The following COL4A3 variants were observed in gnomAD, a reference collection of about 807,000 sequenced individuals.
The protein encoded by COL4A3 is collagen type IV alpha 3 chain, also known as collagen alpha-3(IV) chain.
In COL4A3, 135 loss-of-function variants were observed where a neutral mutation model predicts 217.4. The ratio of observed to expected loss-of-function variants is 0.62; its 90% CI spans 0.54 to 0.72. COL4A3 has a LOEUF of 0.72. Among genes scored for constraint, COL4A3 ranks in the 30% least tolerant of loss-of-function variants. The probability of loss-of-function intolerance (pLI) is 0.00; values close to 1 mark genes in which losing one functional copy is unlikely to be tolerated. For missense variants in COL4A3, 1,868 were observed against 2,119.9 expected (o/e 0.88, Z 2.33); for synonymous variants, 690 against 736.3 (o/e 0.94, Z 1.02).
At position 227,273,074 on chromosome 2, in the gene COL4A3, C is replaced by T. The variant is rs777218914; in HGVS notation, c.1884C>T (p.Gly628=). The T allele has an allele frequency of 6.2e-7, 1 of 1,613,916 alleles. No homozygotes were observed. The highest frequency in any genetic ancestry group is 2.2e-5 in the East Asian group (1 of 44,864). The part of the protein sequence containing the change: ...YGPQGEPGLQ[G]TQGVPGAPGP... The stretch of plus-strand genomic sequence containing the variant: ...CCCAAGGAGAACCTGGTCTCCAGGG[C>T]ACGCAAGGAGTTCCTGGAGCCCCCG... Residue 628 remains glycine, a synonymous_variant, in exon 26 of 52, where the codon GGC becomes GGT. Transcript: ENST00000396578.
chr2:227,200,492 C>T (rs896581978), intron 1 of COL4A3, among the ~76,000 whole-genome samples: 4 of 152,146 alleles, frequency 2.6e-5, no homozygotes, highest in Admixed American at 2.6e-4. Flanking sequence ...AGCACATAGT[C>T]GATGCCTAAA....
At chr2:227,171,099 C>T (rs1313302661) in intron 1 of COL4A3, among the ~76,000 whole-genome samples, 1 of 152,040 alleles carries the variant, frequency 6.6e-6, no homozygotes, top group African/African-American at 2.4e-5. Flanking sequence ...AGCTGAATAC[C>T]CACATAAAGA....
At chr2:227,193,143 G>A (rs889166154) in intron 1 of COL4A3, among the ~76,000 whole-genome samples, 5 of 151,998 alleles carry the variant, frequency 3.3e-5, no homozygotes, top group Admixed American at 3.3e-4. Context: ...CTCCCTACAA[G>A]GATACATCTT....
chr2:227,195,759 ACATTTTTAT>A (rs1359603492), intron 1 of COL4A3, among the ~76,000 whole-genome samples: 1 of 151,516 alleles, frequency 6.6e-6, no homozygotes, highest in Non-Finnish European at 1.5e-5. Context: ...CCAGAAGAAG[ACATTTTTAT>A]CATAGGAGAT....
intron 1 of COL4A3, among the ~76,000 whole-genome samples, chr2:227,167,947 C>T (rs2065337181): frequency 6.6e-6 from 1 of 152,102 alleles, no homozygotes; most frequent in South Asian, 2.1e-4. Flanking sequence ...GTTTTGTGGT[C>T]TTTCATATGT....
rs190277205 is a variant in COL4A3, at chr2:227,177,199, G to A, written c.87+12386G>A. 2.5e-3 allele frequency among the ~76,000 whole-genome samples: 376 copies of A among 149,146 alleles called. 3 individuals carry two copies. Among genetic ancestry groups the A allele is most frequent in the Non-Finnish European group, 2.9e-3 (196 of 67,494 alleles). ...GAGTCTTGCTCTGTAACCCAGGCTG[G>A]AGTGCAGTGGCGCCATCTAGGCCCA... is the stretch of plus-strand genomic sequence containing the variant. On this transcript the variant is annotated intron_variant, in intron 1 of 51. Coordinates refer to ENST00000396578, the MANE Select transcript of COL4A3 (RefSeq NM_000091.5).
Position 227,297,862 on chromosome 2 carries a change from A to G in COL4A3, c.3751+3A>G. 3 of 1,554,862 alleles carry G rather than the reference A, an allele frequency of 1.9e-6. No individual in the cohort carries two copies. Among genetic ancestry groups the G allele is most frequent in the South Asian group, 1.2e-5 (1 of 84,300 alleles). On this transcript the variant is annotated splice_donor_region_variant and intron_variant, in intron 42 of 51. Transcript: ENST00000396578. ...ACCAGGCTCAAGAGGAAGCCCAGGT[A>G]AAGGGTTTACTTTTAAACAGCATAA...
At chr2:227,277,089 G>A (rs1029057771) in intron 27 of COL4A3, among the ~76,000 whole-genome samples, 14 of 152,110 alleles carry the variant, frequency 9.2e-5, no homozygotes, top group Non-Finnish European at 1.3e-4. Context: ...GGAGGCCGAC[G>A]CAGGCGGATC....
chr2:227,208,647 T>G (rs1347059008), intron 1 of COL4A3, among the ~76,000 whole-genome samples: 1 of 152,134 alleles, frequency 6.6e-6, no homozygotes, highest in East Asian at 1.9e-4. Flanking sequence ...ATGATGAATA[T>G]TCCGTCTCCT....
At chr2:227,290,341 T>C (rs1460936302) in intron 36 of COL4A3, among the ~76,000 whole-genome samples, 1 of 151,604 alleles carries the variant, frequency 6.6e-6, no homozygotes, top group Non-Finnish European at 1.5e-5. Context: ...CTACTAAAGA[T>C]ACAAAAAAAA....
chr2:227,237,375 G>A (rs1392149354), intron 1 of COL4A3, among the ~76,000 whole-genome samples: 1 of 152,020 alleles, frequency 6.6e-6, no homozygotes, highest in Non-Finnish European at 1.5e-5. Context: ...TATATATAAG[G>A]TTGGTGCAAA....
intron 43 of COL4A3, among the ~76,000 whole-genome samples, chr2:227,301,479 T>A (rs1025917540): frequency 3.9e-5 from 6 of 152,164 alleles, no homozygotes; most frequent in African/African-American, 1.4e-4. Context: ...ACTTTAAAAG[T>A]TTTTTTGAAA....
At chr2:227,266,179 C>CA (rs66686669) in intron 21 of COL4A3, among the ~76,000 whole-genome samples, 183 of 144,884 alleles carry the variant, frequency 1.3e-3, no homozygotes, top group African/African-American at 3.8e-3. Flanking sequence ...ATTCTGTGAC[C>CA]AAAAAAAAAA....
At chr2:227,289,277 T>A (rs1444537058) in intron 35 of COL4A3, 29 bp downstream of exon 35, 8 of 1,572,350 alleles carry the variant, frequency 5.1e-6, no homozygotes, top group Non-Finnish European at 7.0e-6. Flanking sequence ...TAGAAAAATA[T>A]CACATTTTAC....
intron 5 of COL4A3, 73 bp downstream of exon 5, chr2:227,245,068 C>CTATT (rs1360150680): frequency 2.3e-4 from 323 of 1,426,150 alleles, no homozygotes; most frequent in Non-Finnish European, 3.0e-4. Context: ...TTAAAACAGT[C>CTATT]GTGCAAGAAA....
chr2:227,199,461 C>A (rs2066603499), intron 1 of COL4A3, among the ~76,000 whole-genome samples: 1 of 152,184 alleles, frequency 6.6e-6, no homozygotes, highest in Non-Finnish European at 1.5e-5. Flanking sequence ...TTCACTTCGG[C>A]TCATTCAGTC....
chr2:227,286,029 C>T (rs2072299252), intron 34 of COL4A3, among the ~76,000 whole-genome samples: 1 of 152,244 alleles, frequency 6.6e-6, no homozygotes, highest in African/African-American at 2.4e-5. Context: ...TCACTATCCT[C>T]TCCACAAGGA....
At chr2:227,219,111 C>T (rs6436663) in intron 1 of COL4A3, among the ~76,000 whole-genome samples, 68,336 of 151,956 alleles carry the variant, frequency 0.45, 16,691 homozygotes, top group Non-Finnish European at 0.56. Flanking sequence ...TCTCCTGCCT[C>T]GGCCTCCCAA....
chr2:227,307,595 G>A (rs2073561729), intron 47 of COL4A3, 115 bp from the exon 48 acceptor site: 1 of 889,448 alleles, frequency 1.1e-6, no homozygotes, highest in African/African-American at 1.7e-5. Flanking sequence ...TCTTCTCTAG[G>A]ATTGCTTTCA....
Sources: allele counts gnomAD v4.1 joint callset (sites outside exome capture counted in the v4.1 genomes callset), GRCh38; gene constraint gnomAD v4.1.1; transcripts MANE v1.5; gene names NCBI Gene and HGNC (gene_info 2026-07-23, HGNC 2026-07-21).